The following TMEM117 variants were observed in gnomAD, a reference collection of about 807,000 sequenced individuals.
TMEM117 encodes the protein transmembrane protein 117.
A neutral mutation model predicts 52.4 loss-of-function variants in TMEM117; 27 were observed. That is an observed-to-expected ratio of 0.51 (90% CI 0.38 to 0.71). TMEM117 has a LOEUF of 0.71. Ranked by LOEUF, TMEM117 falls within the 30% of genes least tolerant of loss-of-function variation. The pLI is 0.00. For missense variants in TMEM117, 556 were observed against 630.5 expected, an observed-to-expected ratio of 0.88 and a Z score of 1.26; for synonymous variants, 215 against 206.3, an observed-to-expected ratio of 1.04 and a Z score of -0.36.
At chr12:44,360,381 A>C (rs1592717616) in intron 6 of TMEM117, among the ~76,000 whole-genome samples, 1 of 151,914 alleles carries the variant, frequency 6.6e-6, no homozygotes, top group Non-Finnish European at 1.5e-5. Flanking sequence ...GGCATTTTAG[A>C]CCAGCCAACA....
intron 3 of TMEM117, among the ~76,000 whole-genome samples, chr12:44,075,717 T>C (rs1947371470): frequency 6.6e-6 from 1 of 152,190 alleles, no homozygotes; most frequent in South Asian, 2.1e-4. Flanking sequence ...ACCTCTCATG[T>C]TGTTTTTTAG....
chr12:43,821,407 A>G, the TMEM117 span, among the ~76,000 whole-genome samples: 4 of 152,124 alleles, frequency 2.6e-5, no homozygotes, highest in Non-Finnish European at 5.9e-5. Flanking sequence ...CAGCTTCACA[A>G]GTAGCTGGGA....
chr12:44,211,267 A>G (rs1366193744), intron 4 of TMEM117, 23 bp from the exon 5 acceptor site: 1 of 1,512,252 alleles, frequency 6.6e-7, no homozygotes, highest in Non-Finnish European at 9.2e-7. Context: ...AAAGTGCTGA[A>G]TAAGTTCCTT....
chr12:44,071,995 C>T (rs562315036), intron 3 of TMEM117, among the ~76,000 whole-genome samples: 2 of 152,286 alleles, frequency 1.3e-5, no homozygotes, highest in African/African-American at 4.8e-5. Flanking sequence ...AGAAATATTG[C>T]TTTAAATTGA....
intron 6 of TMEM117, among the ~76,000 whole-genome samples, chr12:44,354,088 G>C (rs564863145): frequency 1.3e-5 from 2 of 152,016 alleles, no homozygotes; most frequent in East Asian, 3.9e-4. Flanking sequence ...TCATTATTTG[G>C]CTCTCTGTCT....
chr12:44,299,139 T>C lies in TMEM117; in HGVS notation c.609-441T>C, dbSNP rs1469888770. 2.0e-5 allele frequency among the ~76,000 whole-genome samples: 3 copies of C among 148,982 alleles called. No individual in the cohort carries two copies. In the East Asian group the frequency reaches 5.8e-4, roughly 29 times the overall value. On this transcript the variant is annotated intron_variant, in intron 5 of 7. Coordinates refer to ENST00000266534, the MANE Select transcript of TMEM117 (RefSeq NM_032256.3). ...ATAGAAGGCATTTAATTTTTTTTTT[T>C]TTTTTTTTTGAGATGGAGTCTCGCT...
chr12:43,904,009 A>T (rs1414596775), intron 2 of TMEM117, among the ~76,000 whole-genome samples: 1 of 152,170 alleles, frequency 6.6e-6, no homozygotes, highest in Non-Finnish European at 1.5e-5. Context: ...ATGCATTCAC[A>T]GAGTATTGTG....
intron 6 of TMEM117, among the ~76,000 whole-genome samples, chr12:44,317,616 G>A (rs916073549): frequency 6.6e-6 from 1 of 152,044 alleles, no homozygotes; most frequent in Non-Finnish European, 1.5e-5. Flanking sequence ...GGCTAGTCTC[G>A]AACTCCTGAC....
At chr12:44,058,772 T>A (rs1056236734) in intron 3 of TMEM117, among the ~76,000 whole-genome samples, 1 of 152,196 alleles carries the variant, frequency 6.6e-6, no homozygotes, top group Non-Finnish European at 1.5e-5. Context: ...TTCAGTTTCT[T>A]TTTTTGTTCA....
chr12:44,180,013 A>C (rs1288943661), intron 4 of TMEM117, among the ~76,000 whole-genome samples: 1 of 152,152 alleles, frequency 6.6e-6, no homozygotes, highest in Admixed American at 6.5e-5. Flanking sequence ...GAAAATAAAA[A>C]AGAAGGTTTA....
At chr12:44,169,969 A>G in intron 4 of TMEM117, among the ~76,000 whole-genome samples, 1 of 152,168 alleles carries the variant, frequency 6.6e-6, no homozygotes, top group Non-Finnish European at 1.5e-5. Flanking sequence ...ATTATAAATC[A>G]TGCTGCTATA....
the TMEM117 span, among the ~76,000 whole-genome samples, chr12:43,828,792 G>C: frequency 6.6e-6 from 1 of 152,042 alleles, no homozygotes; most frequent in East Asian, 1.9e-4. Flanking sequence ...ATGAGTCCCT[G>C]CTCTTGTGAA....
chr12:43,970,039 A>C (rs1410619318), intron 3 of TMEM117, among the ~76,000 whole-genome samples: 1 of 152,142 alleles, frequency 6.6e-6, no homozygotes, highest in Non-Finnish European at 1.5e-5. Flanking sequence ...GTTGTGAGTC[A>C]TTCTTAGTAG....
At chr12:44,069,152 C>T (rs981173476) in intron 3 of TMEM117, among the ~76,000 whole-genome samples, 1 of 151,976 alleles carries the variant, frequency 6.6e-6, no homozygotes, top group African/African-American at 2.4e-5. Flanking sequence ...TTCGTAGTTG[C>T]CCTGACATAA....
intron 7 of TMEM117, 83 bp from the exon 8 acceptor site, chr12:44,387,943 A>G (rs767460805): frequency 3.3e-5 from 40 of 1,201,806 alleles, no homozygotes; most frequent in East Asian, 4.8e-5. Context: ...ATGTTATTAT[A>G]CCATTATCCT....
intron 4 of TMEM117, among the ~76,000 whole-genome samples, chr12:44,200,178 G>A (rs1259007063): frequency 1.3e-5 from 2 of 151,972 alleles, no homozygotes; most frequent in Non-Finnish European, 2.9e-5. Context: ...AAACCCCTTA[G>A]CATTCCATTT....
chr12:44,341,708 C>T (rs994113519), intron 6 of TMEM117, among the ~76,000 whole-genome samples: 5 of 152,046 alleles, frequency 3.3e-5, no homozygotes, highest in South Asian at 2.1e-4. Context: ...CAGTCACATC[C>T]GATGACAAAG....
intron 6 of TMEM117, among the ~76,000 whole-genome samples, chr12:44,354,052 T>G (rs1239303718): frequency 6.6e-6 from 1 of 152,198 alleles, no homozygotes; most frequent in Non-Finnish European, 1.5e-5. Flanking sequence ...TTATTCTCTT[T>G]GAAGCAATTG....
the TMEM117 span, chr12:43,797,980 G>T: frequency 1.2e-6 from 1 of 803,202 alleles, no homozygotes; most frequent in Non-Finnish European, 1.9e-6. Flanking sequence ...TTACGGTCCT[G>T]CTAGCATTTT....
Sources: gnomAD v4.1 joint callset for allele counts (sites outside exome capture counted in the v4.1 genomes callset) on GRCh38, gnomAD v4.1.1 for gene constraint, MANE v1.5 for transcripts, NCBI Gene and HGNC (gene_info 2026-07-23, HGNC 2026-07-21) for gene names.